Variants in FOXP2 observed in about 807,000 individuals in gnomAD.
The protein encoded by FOXP2 is forkhead box protein P2.
In FOXP2, 12 loss-of-function variants were observed where a neutral mutation model predicts 115.8. The observed-to-expected ratio is 0.10, with a 90% CI of 0.07 to 0.17. The LOEUF (loss-of-function observed/expected upper bound fraction) is 0.17, where lower values mean the gene tolerates loss of function less well. FOXP2 is among the 10% of genes least tolerant of loss of function. FOXP2 has a pLI of 1.00. For missense variants in FOXP2, 629 were observed against 843.5 expected, an observed-to-expected ratio of 0.75 and a Z score of 3.15; for synonymous variants, 328 against 297.7, an observed-to-expected ratio of 1.10 and a Z score of -1.05.
At chr7:114,670,111 T>C (rs532128031) in intron 16 of FOXP2, 1 of 152,170 alleles carries the variant, frequency 6.6e-6, no homozygotes, top group Non-Finnish European at 1.5e-5. Context: ...GTGACTCCTC[T>C]TAGCCTCTAT....
chr7:114,337,388 A>G (rs1797878320), intron 2 of FOXP2, among the ~76,000 whole-genome samples: 1 of 151,288 alleles, frequency 6.6e-6, no homozygotes, highest in African/African-American at 2.4e-5. Flanking sequence ...TTCTCAATAT[A>G]TATTTATTTT....
At chr7:114,334,826 A>G (rs1797801712) in intron 2 of FOXP2, among the ~76,000 whole-genome samples, 1 of 150,102 alleles carries the variant, frequency 6.7e-6, no homozygotes, top group African/African-American at 2.4e-5. Context: ...ATGATCATAA[A>G]TGAGAATCAG....
intron 16 of FOXP2, among the ~76,000 whole-genome samples, chr7:114,679,674 C>A (rs926969924): frequency 6.6e-6 from 1 of 152,022 alleles, no homozygotes. Context: ...AACATGTCTA[C>A]GATTCTCCAT....
chr7:114,510,305 A>G (rs1290668753), intron 2 of FOXP2, among the ~76,000 whole-genome samples: 4 of 152,144 alleles, frequency 2.6e-5, no homozygotes, highest in Admixed American at 2.6e-4. Context: ...CTCTCTTCAT[A>G]GTTAAATTTT....
At chr7:114,439,304 A>G (rs1187535990) in intron 2 of FOXP2, among the ~76,000 whole-genome samples, 2 of 152,076 alleles carry the variant, frequency 1.3e-5, no homozygotes, top group African/African-American at 4.8e-5. Context: ...GTCTTATTTT[A>G]TGAACTTTGG....
At chr7:114,166,420 A>G (rs1348805333) in intron 1 of FOXP2, among the ~76,000 whole-genome samples, 1 of 152,102 alleles carries the variant, frequency 6.6e-6, no homozygotes, top group Non-Finnish European at 1.5e-5. Context: ...AAGAAAACAT[A>G]TGGCCAGGTG....
chr7:114,186,538 T>TC (rs35571901), intron 1 of FOXP2, among the ~76,000 whole-genome samples: 103,495 of 152,070 alleles, frequency 0.68, 40,052 homozygotes, highest in Non-Finnish European at 0.86. Context: ...GCCTTAGGCA[T>TC]CCCTACCCCT....
intron 2 of FOXP2, among the ~76,000 whole-genome samples, chr7:114,523,628 G>A (rs1798728059): frequency 1.3e-5 from 2 of 152,162 alleles, no homozygotes; most frequent in South Asian, 4.1e-4. Context: ...TCCAATTGCA[G>A]AAAGCTAGAA....
intron 2 of FOXP2, among the ~76,000 whole-genome samples, chr7:114,478,046 C>A (rs1473999014): frequency 6.6e-6 from 1 of 151,674 alleles, no homozygotes; most frequent in African/African-American, 2.4e-5. Flanking sequence ...TAGCTAGACA[C>A]TTATGAGGTA....
In FOXP2 at chr7:114,131,060, G is replaced by A. The variant is rs139755177; in HGVS notation, c.-246-31884G>A. ...CAACCAGAGGTGATCAACAGTTTAC[G>A]TATTTTTTCTCTTGTAAGAATGGAA... On this transcript the variant is annotated intron_variant, in intron 1 of 19. Transcript: ENST00000635638. Among the ~76,000 whole-genome samples the A allele has an allele frequency of 2.6e-4, 39 of 152,284 alleles. No homozygotes were observed. The East Asian group carries it at 6.7e-3, about 26-fold the overall frequency.
chr7:114,633,969 T>C (rs1805066308), intron 6 of FOXP2, among the ~76,000 whole-genome samples: 1 of 152,078 alleles, frequency 6.6e-6, no homozygotes, highest in African/African-American at 2.4e-5. Flanking sequence ...CAATGATGGA[T>C]GATGTTCTCA....
upstream of FOXP2, among the ~76,000 whole-genome samples, chr7:114,162,044 A>G (rs1792853539): frequency 1.3e-5 from 2 of 152,120 alleles, no homozygotes. Flanking sequence ...TGGCCTCCCA[A>G]AGTGCTGGGA....
chr7:114,271,584 ATAT>A (rs1236241625), intron 1 of FOXP2, among the ~76,000 whole-genome samples: 33 of 125,266 alleles, frequency 2.6e-4, no homozygotes, highest in East Asian at 2.5e-3. Context: ...TTATATATTA[ATAT>A]TATTATAATA....
chr7:114,598,545 T>G (rs1385300764), intron 3 of FOXP2, among the ~76,000 whole-genome samples: 1 of 152,102 alleles, frequency 6.6e-6, no homozygotes, highest in African/African-American at 2.4e-5. Context: ...TAGATTCACC[T>G]ATCTTTAATA....
At chr7:114,429,107 A>G (rs918021817) in intron 2 of FOXP2, among the ~76,000 whole-genome samples, 1 of 151,420 alleles carries the variant, frequency 6.6e-6, no homozygotes, top group African/African-American at 2.4e-5. Context: ...TGGCTTTTGT[A>G]CTTTATAGAG....
At chr7:114,475,966 AC>A (rs1240970668) in intron 2 of FOXP2, among the ~76,000 whole-genome samples, 1 of 151,970 alleles carries the variant, frequency 6.6e-6, no homozygotes, top group Non-Finnish European at 1.5e-5. Context: ...ATATACATGT[AC>A]CCCCTATATC....
intron 1 of FOXP2, among the ~76,000 whole-genome samples, chr7:114,174,119 T>C (rs6960092): frequency 0.68 from 103,812 of 151,892 alleles, 40,330 homozygotes; most frequent in Non-Finnish European, 0.87. Flanking sequence ...TTATTCTTTC[T>C]ATATGTAGGG....
chr7:114,317,398 A>C (rs1425605346), intron 2 of FOXP2, among the ~76,000 whole-genome samples: 4 of 152,242 alleles, frequency 2.6e-5, no homozygotes, highest in Admixed American at 6.5e-5. Context: ...GAAGTCTAAA[A>C]TTACAGGATA....
Position 114,097,591 on chromosome 7 carries a change from C to T in FOXP2, c.-247+9753C>T, listed in dbSNP as rs551450941. On this transcript the variant is annotated intron_variant, in intron 1 of 19. Transcript: ENST00000635638. ...TATTAGCAGGTGCTTGGCTTATAAACAAAATGAGAGATTTTACTGGTTAAT... is the reference window on the plus strand; with the variant it reads ...TATTAGCAGGTGCTTGGCTTATAAATAAAATGAGAGATTTTACTGGTTAAT... Among the ~76,000 whole-genome samples, 59 of 152,294 alleles carry T rather than the reference C, an allele frequency of 3.9e-4. 1 individual carries two copies. In the Middle Eastern group the frequency reaches 0.01, roughly 26 times the overall value.
Sources: allele counts gnomAD v4.1 joint callset (sites outside exome capture counted in the v4.1 genomes callset), GRCh38; gene constraint gnomAD v4.1.1; transcripts MANE v1.5; gene names NCBI Gene and HGNC (gene_info 2026-07-23, HGNC 2026-07-21).